FIGN: variants seen among roughly 807,000 people sequenced by gnomAD.
FIGN encodes fidgetin, microtubule severing factor, also known as fidgetin.
Under a neutral mutation model 51.3 loss-of-function variants are expected in FIGN, and 11 were observed. The ratio of observed to expected loss-of-function variants is 0.21; its 90% CI spans 0.13 to 0.35. FIGN has a LOEUF of 0.35. Among genes scored for constraint, FIGN ranks in the 10% least tolerant of loss-of-function variants. The pLI, the probability that FIGN is intolerant of heterozygous loss-of-function variation, is 1.00. For synonymous variants in FIGN, 407 were observed against 363.2 expected (o/e 1.12, Z -1.37); for missense variants, 857 against 943.6 (o/e 0.91, Z 1.20).
chr2:163,692,836 A>G (rs1468571076), intron 2 of FIGN, among the ~76,000 whole-genome samples: 2 of 152,260 alleles, frequency 1.3e-5, no homozygotes, highest in Non-Finnish European at 2.9e-5. Flanking sequence ...CCTCTGTACC[A>G]GAGAGAGTGA....
At chr2:163,729,880 G>A (rs1684898075) in intron 2 of FIGN, among the ~76,000 whole-genome samples, 1 of 152,182 alleles carries the variant, frequency 6.6e-6, no homozygotes, top group Non-Finnish European at 1.5e-5. Context: ...GCAATGTTAA[G>A]CAAAGTGTCA....
At chr2:163,640,408 C>T (rs1297020198) in intron 2 of FIGN, among the ~76,000 whole-genome samples, 4 of 152,184 alleles carry the variant, frequency 2.6e-5, no homozygotes, top group South Asian at 4.2e-4. Flanking sequence ...ACTCTGCCAC[C>T]GTATCTCCTT....
chr2:163,707,892 T>C (rs769440950), intron 2 of FIGN, among the ~76,000 whole-genome samples: 43 of 152,154 alleles, frequency 2.8e-4, no homozygotes, highest in Non-Finnish European at 6.3e-4. Context: ...CTTCCAAATA[T>C]ACTATTTCAG....
intron 2 of FIGN, among the ~76,000 whole-genome samples, chr2:163,725,694 T>C (rs1018124358): frequency 5.9e-5 from 9 of 152,060 alleles, no homozygotes; most frequent in Admixed American, 4.6e-4. Context: ...TTTTACTTTA[T>C]GCTAAAACAA....
intron 2 of FIGN, among the ~76,000 whole-genome samples, chr2:163,700,490 G>C (rs1367035857): frequency 1.3e-5 from 2 of 152,142 alleles, no homozygotes; most frequent in African/African-American, 4.8e-5. Context: ...GAAGGGTCTG[G>C]AAGCTCTAGT....
chr2:163,616,409 C>A (rs1682878595), intron 2 of FIGN, among the ~76,000 whole-genome samples: 1 of 152,170 alleles, frequency 6.6e-6, no homozygotes, highest in Non-Finnish European at 1.5e-5. Flanking sequence ...ACTCACTACC[C>A]AACCCACTCC....
chr2:163,621,235 T>C (rs1682967129), intron 2 of FIGN, among the ~76,000 whole-genome samples: 1 of 152,156 alleles, frequency 6.6e-6, no homozygotes, highest in East Asian at 1.9e-4. Flanking sequence ...GACTCTAAAG[T>C]ATGCAAAGCC....
chr2:163,711,451 G>C (rs574695375), intron 2 of FIGN, among the ~76,000 whole-genome samples: 1 of 152,146 alleles, frequency 6.6e-6, no homozygotes, highest in South Asian at 2.1e-4. Context: ...ACAGGGACGC[G>C]AGAAGTAGTT....
intron 2 of FIGN, among the ~76,000 whole-genome samples, chr2:163,668,776 T>TA (rs1417443997): frequency 2.6e-5 from 4 of 151,448 alleles, no homozygotes; most frequent in African/African-American, 9.7e-5. Flanking sequence ...CCGTCTCTAC[T>TA]AAAAAATACA....
intron 2 of FIGN, among the ~76,000 whole-genome samples, chr2:163,628,100 C>G (rs1248961029): frequency 6.6e-6 from 1 of 152,178 alleles, no homozygotes; most frequent in Non-Finnish European, 1.5e-5. Context: ...TGATCACGCT[C>G]TAATAAATCC....
chr2:163,641,088 A>C (rs1004371545), intron 2 of FIGN, among the ~76,000 whole-genome samples: 5 of 152,170 alleles, frequency 3.3e-5, no homozygotes, highest in African/African-American at 1.2e-4. Context: ...CTTTACCCAG[A>C]GGGCTTCCCG....
chr2:163,695,886 T>C (rs999713230), intron 2 of FIGN, among the ~76,000 whole-genome samples: 3 of 152,172 alleles, frequency 2.0e-5, no homozygotes, highest in Admixed American at 6.5e-5. Context: ...GGTGGGTGGA[T>C]CACTTGAGGT....
chr2:163,653,251 C>T (rs1483191001), intron 2 of FIGN, among the ~76,000 whole-genome samples: 1 of 151,952 alleles, frequency 6.6e-6, no homozygotes, highest in Non-Finnish European at 1.5e-5. Flanking sequence ...AGTTTAGGCC[C>T]TGTGTTAGGT....
chr2:163,731,986 C>T (rs905667141), intron 2 of FIGN, among the ~76,000 whole-genome samples: 22 of 150,806 alleles, frequency 1.5e-4, no homozygotes, highest in African/African-American at 5.5e-4. Context: ...AAGTTGCCTC[C>T]AGCAGTGTAA....
intron 2 of FIGN, among the ~76,000 whole-genome samples, chr2:163,691,814 T>C (rs1485294696): frequency 1.3e-5 from 2 of 152,006 alleles, no homozygotes; most frequent in African/African-American, 4.8e-5. Context: ...AAGAGGAAAA[T>C]ATGTGCTATA....
intron 2 of FIGN, among the ~76,000 whole-genome samples, chr2:163,663,236 GTTT>G (rs761711729): frequency 6.9e-6 from 1 of 144,994 alleles, no homozygotes; most frequent in Non-Finnish European, 1.5e-5. Context: ...AATAATGTTG[GTTT>G]TTTTTTTTTG....
At chr2:163,701,882 A>C (rs1684413032) in intron 2 of FIGN, among the ~76,000 whole-genome samples, 1 of 152,134 alleles carries the variant, frequency 6.6e-6, no homozygotes, top group Non-Finnish European at 1.5e-5. Flanking sequence ...AAGAGCTAGC[A>C]CCTTCTGGTG....
chr2:163,705,823 G>A (rs550666807), intron 2 of FIGN, among the ~76,000 whole-genome samples: 2 of 151,886 alleles, frequency 1.3e-5, no homozygotes, highest in African/African-American at 4.8e-5. Context: ...AACATAACTG[G>A]TTTAATATAA....
Position 163,608,385 on chromosome 2 carries a change from A to C in FIGN, c.*1167T>G, listed in dbSNP as rs1691157239. 1.3e-5 allele frequency: 2 copies of C among 152,548 alleles called. No homozygotes were observed. The highest frequency in any genetic ancestry group is 6.5e-5 in the Admixed American group (1 of 15,286). The allele number at this position is 152,548 out of a possible 1,614,324, so 9.4% of individuals were successfully genotyped here. A position where few individuals can be genotyped will look rare whatever the true frequency, so the allele number is the denominator to read the frequency against. On this transcript the variant is annotated 3_prime_UTR_variant, in exon 3 of 3. Transcript: ENST00000333129. ...GCAAGTCTATAAGCTAGATTAGTGA[A>C]TAGAATGACACCATTCCCAGCAGTT...
Sources: gnomAD v4.1 joint callset for allele counts (sites outside exome capture counted in the v4.1 genomes callset) on GRCh38, gnomAD v4.1.1 for gene constraint, MANE v1.5 for transcripts, NCBI Gene and HGNC (gene_info 2026-07-23, HGNC 2026-07-21) for gene names.